The following ERAL1 variants were observed in gnomAD, a reference collection of about 807,000 sequenced individuals.
ERAL1 encodes the protein GTPase Era, mitochondrial.
A neutral mutation model predicts 53.6 loss-of-function variants in ERAL1; 36 were observed. That is an observed-to-expected ratio of 0.67 (90% CI 0.51 to 0.89). ERAL1 has a LOEUF of 0.89. Among genes scored for constraint, ERAL1 ranks in the 40% least tolerant of loss-of-function variants. The pLI, the probability that ERAL1 is intolerant of heterozygous loss-of-function variation, is 0.00. For missense variants in ERAL1, 512 were observed against 537.5 expected, an observed-to-expected ratio of 0.95 and a Z score of 0.47; for synonymous variants, 215 against 211.8, an observed-to-expected ratio of 1.02 and a Z score of -0.13.
At position 28,858,426 on chromosome 17, in the gene ERAL1, C is replaced by T. The variant is rs754519456; in HGVS notation, c.651C>T (p.Pro217=). 1.9e-6 allele frequency: 3 copies of T among 1,614,144 alleles called. No homozygotes were observed. In the Admixed American group the frequency reaches 5.0e-5, roughly 27 times the overall value. The part of the protein sequence containing the change: ...SDKWTRNQLS[P]QLLRCLTKYS... ...AGTGGACACGGAACCAGCTCAGCCC[C>T]CAGTTGCTCAGGTGCTTGACCAAGT... Residue 217 remains proline, a synonymous_variant, in exon 6 of 10, where the codon CCC becomes CCT. Coordinates refer to ENST00000254928, the MANE Select transcript of ERAL1 (RefSeq NM_005702.4).
intron 3 of ERAL1, among the ~76,000 whole-genome samples, chr17:28,857,121 T>C (rs1335458861): frequency 3.3e-5 from 5 of 151,542 alleles, no homozygotes; most frequent in Non-Finnish European, 7.4e-5. Context: ...TTTTTTTTTT[T>C]TTTGAGATGG....
chr17:28,857,652 T>A (rs1007483571), intron 3 of ERAL1, among the ~76,000 whole-genome samples: 4 of 151,518 alleles, frequency 2.6e-5, no homozygotes, highest in African/African-American at 9.7e-5. Context: ...ATTAGCCGGG[T>A]GTGGTGGTGC....
intron 9 of ERAL1, 87 bp downstream of exon 9, chr17:28,859,370 T>C: frequency 2.5e-6 from 3 of 1,212,344 alleles, no homozygotes; most frequent in Non-Finnish European, 3.5e-6. Context: ...AGCAGGACCA[T>C]ATCCTTCTCT....
chr17:28,858,445 A>G lies in ERAL1; in HGVS notation c.670A>G (p.Thr224Ala), dbSNP rs1234659979. 3.1e-6 allele frequency: 5 copies of G among 1,614,086 alleles called. No homozygotes were observed. In the South Asian group the frequency reaches 5.5e-5, roughly 18 times the overall value. ...QLSPQLLRCL[T>A]KYSQIPSVLV... The stretch of plus-strand genomic sequence containing the variant: ...CAGCCCCCAGTTGCTCAGGTGCTTG[A>G]CCAAGTACTCCCAGATCCCTAGTGT... The change falls in exon 6 of 10, where the codon ACC (threonine) becomes GCC (alanine). Residue 224 changes from threonine (T) to alanine (A), a missense_variant. Physicochemically the swap from Thr to Ala is moderately conservative, Grantham distance 58. Coordinates refer to ENST00000254928, the MANE Select transcript of ERAL1 (RefSeq NM_005702.4).
Position 28,858,787 on chromosome 17 carries a change from T to C in ERAL1, c.923T>C (p.Leu308Ser). 6.2e-7 allele frequency: 1 copy of C among 1,614,176 alleles called. No homozygotes were observed. Among genetic ancestry groups the C allele is most frequent in the African/African-American group, 1.3e-5 (1 of 75,052 alleles). Reference sequence around the variant, plus strand: ...CCCCACTTCAAGGAGATCTTCATGTTGTCAGCCCTAAGCCAGGAGGACGTG... The same window carrying C: ...CCCCACTTCAAGGAGATCTTCATGTCGTCAGCCCTAAGCCAGGAGGACGTG... ...GWPHFKEIFM[L>S]SALSQEDVKT... Residue 308 changes from leucine to serine, a missense_variant, in exon 7 of 10, where the codon TTG (leucine) becomes TCG (serine). Transcript: ENST00000254928.
Position 28,859,022 on chromosome 17 carries a change from C to G in ERAL1, c.1019C>G (p.Thr340Ser), listed in dbSNP as rs1273334156. ...GPWEYHSAVL[T>S]SQTPEEICAN... Reference sequence around the variant, plus strand: ...TGGGAGTACCACAGTGCAGTCCTCACTAGCCAGACACCAGAAGAGATCTGT... The same window carrying G: ...TGGGAGTACCACAGTGCAGTCCTCAGTAGCCAGACACCAGAAGAGATCTGT... Residue 340 changes from threonine (T) to serine (S), a missense_variant, in exon 8 of 10, where the codon ACT (threonine) becomes AGT (serine). Thr to Ser is a moderately conservative substitution (Grantham distance 58, BLOSUM62 1). Coordinates refer to ENST00000254928, the MANE Select transcript of ERAL1 (RefSeq NM_005702.4). 3 of 1,614,228 alleles carry G rather than the reference C, an allele frequency of 1.9e-6. No individual in the cohort carries two copies. The highest frequency in any genetic ancestry group is 3.3e-5 in the Admixed American group (2 of 60,032).
At position 28,860,732 on chromosome 17, in the gene ERAL1, G is replaced by A; in HGVS notation, c.*179G>A. On this transcript the variant is annotated 3_prime_UTR_variant, in exon 10 of 10. Transcript: ENST00000254928. ...CCCTGCCCAGCTGTGTCTTCTGTTG[G>A]AAGAAGGAACCTGCCTTAGCTCAGT... 2 of 666,228 alleles carry A rather than the reference G, an allele frequency of 3.0e-6. No individual in the cohort carries two copies. The highest frequency in any genetic ancestry group is 4.5e-6 in the Non-Finnish European group (2 of 442,798). 41.3% of individuals were successfully genotyped at this position (666,228 alleles called of 1,614,324 possible).
chr17:28,858,031 G>A (rs774128528), intron 4 of ERAL1, 46 bp downstream of exon 4: 1 of 1,613,756 alleles, frequency 6.2e-7, no homozygotes, highest in Non-Finnish European at 8.5e-7. Flanking sequence ...GGTACTGAAA[G>A]AGGGTGGGGA....
intron 4 of ERAL1, 77 bp downstream of exon 4, chr17:28,858,062 A>G: frequency 6.2e-7 from 1 of 1,610,572 alleles, no homozygotes; most frequent in Non-Finnish European, 8.5e-7. Flanking sequence ...TAGGGGCTGG[A>G]AAACCCCTTT....
At chr17:28,860,376 G>A (rs2039293026) in intron 9 of ERAL1, 55 bp from the exon 10 acceptor site, 1 of 1,599,718 alleles carries the variant, frequency 6.3e-7, no homozygotes. Context: ...CAAGTAGCTG[G>A]GACTACAGGC....
At chr17:28,858,075 C>T in intron 4 of ERAL1, 71 bp from the exon 5 acceptor site, 1 of 1,611,626 alleles carries the variant, frequency 6.2e-7, no homozygotes, top group Non-Finnish European at 8.5e-7. Context: ...ACCCCTTTAC[C>T]ATACCACATC....
Position 28,860,337 on chromosome 17 carries a change from G to C in ERAL1, c.1192-94G>C. 8.9e-6 allele frequency: 13 copies of C among 1,468,732 alleles called. No homozygotes were observed. In the South Asian group the frequency reaches 1.6e-4, roughly 18 times the overall value. The allele number at this position is 1,468,732 out of a possible 1,614,324, so 91.0% of individuals were successfully genotyped here. A position where few individuals can be genotyped will look rare whatever the true frequency, so the allele number is the denominator to read the frequency against. On this transcript the variant is annotated intron_variant, in intron 9 of 9. Coordinates refer to ENST00000254928, the MANE Select transcript of ERAL1 (RefSeq NM_005702.4). ...ACCCAGGCTGGACTCAAACTCCTGT[G>C]CTCAAAGGATCTTCTCACCTTAGCC...
rs778417271 is a variant in ERAL1 at position 28,858,733 on chromosome 17, CTG to C, written c.872_873del (p.Val291GlyfsTer50). The C allele has an allele frequency of 1.2e-5, 20 of 1,614,114 alleles. No homozygotes were observed. Among genetic ancestry groups the C allele is most frequent in the Non-Finnish European group, 1.7e-5 (20 of 1,180,050 alleles). On this transcript the variant is annotated frameshift_variant, in exon 7 of 10. Coordinates refer to ENST00000254928, the MANE Select transcript of ERAL1 (RefSeq NM_005702.4). LOFTEE classifies it high-confidence loss of function. ...GCAGTTAAGGACCCAAACACACAAT[CTG>C]TGGGAAATCCTCAGAGGATTGGCTG...
In ERAL1 at chr17:28,858,178, C is replaced by A; in HGVS notation, c.569C>A (p.Pro190Gln). 1.9e-6 allele frequency: 3 copies of A among 1,613,998 alleles called. No individual in the cohort carries two copies. Among genetic ancestry groups the A allele is most frequent in the South Asian group, 1.1e-5 (1 of 91,078 alleles). Residue 190 changes from proline (P) to glutamine (Q), a missense_variant, in exon 5 of 10, where the codon CCA (proline) becomes CAA (glutamine). Physicochemically the swap from Pro to Gln is moderately conservative, Grantham distance 76. Coordinates refer to ENST00000254928, the MANE Select transcript of ERAL1 (RefSeq NM_005702.4). ...HHLELSLLED[P>Q]WKSMESADLV... Reference sequence around the variant, plus strand: ...CTGGAGCTCTCTTTGTTGGAAGATCCATGGAAGAGCATGGAATCTGCTGAT... The same window carrying A: ...CTGGAGCTCTCTTTGTTGGAAGATCAATGGAAGAGCATGGAATCTGCTGAT...
At chr17:28,855,455 G>A in intron 1 of ERAL1, 138 bp downstream of exon 1, 1 of 1,011,518 alleles carries the variant, frequency 9.9e-7, no homozygotes, top group Non-Finnish European at 1.4e-6. Flanking sequence ...AAATCTCTCA[G>A]GAGAGAAATA....
intron 6 of ERAL1, 39 bp from the exon 7 acceptor site, chr17:28,858,537 T>C (rs1198148564): frequency 6.2e-7 from 1 of 1,614,100 alleles, no homozygotes; most frequent in South Asian, 1.1e-5. Flanking sequence ...AAGTCCCCTA[T>C]CTCTGACCAC....
chr17:28,860,691 G>A lies in ERAL1; in HGVS notation c.*138G>A. Reference sequence around the variant, plus strand: ...ACTGGCCACTAGCTGGCCTGGCCCTGTTGAGTCTGCACAGTCCCTGCCCAG... The same window carrying A: ...ACTGGCCACTAGCTGGCCTGGCCCTATTGAGTCTGCACAGTCCCTGCCCAG... On this transcript the variant is annotated 3_prime_UTR_variant, in exon 10 of 10. Transcript: ENST00000254928. The A allele has an allele frequency of 9.0e-7, 1 of 1,110,352 alleles. No homozygotes were observed. Among genetic ancestry groups the A allele is most frequent in the Non-Finnish European group, 1.2e-6 (1 of 810,290 alleles). 68.8% of individuals were successfully genotyped at this position (1,110,352 alleles called of 1,614,324 possible).
At position 28,856,376 on chromosome 17, in the gene ERAL1, G is replaced by C; in HGVS notation, c.396G>C (p.Gln132His). ...CAGGGAAGTCAACACTCTCCAACCA[G>C]CTACTGGGCCGAAAGGTATGCTACA... ...PNAGKSTLSNQLLGRKVFPVS... is the reference protein window; with the variant it reads ...PNAGKSTLSNHLLGRKVFPVS... The change falls in exon 2 of 10, where the codon CAG (glutamine) becomes CAC (histidine). Residue 132 changes from glutamine to histidine, a missense_variant. Gln to His is a conservative substitution (Grantham distance 24, BLOSUM62 0). Transcript: ENST00000254928. The C allele has an allele frequency of 6.2e-7, 1 of 1,614,006 alleles. No individual in the cohort carries two copies. The highest frequency in any genetic ancestry group is 2.2e-5 in the East Asian group (1 of 44,872).
intron 3 of ERAL1, among the ~76,000 whole-genome samples, chr17:28,857,368 A>G (rs59068724): frequency 0.73 from 110,837 of 151,188 alleles, 41,095 homozygotes; most frequent in Non-Finnish European, 0.8. Context: ...TGGCCTCCCA[A>G]AGTGCTGGGA....
Sources: allele counts gnomAD v4.1 joint callset (sites outside exome capture counted in the v4.1 genomes callset), GRCh38; gene constraint gnomAD v4.1.1; transcripts MANE v1.5; gene names NCBI Gene and HGNC (gene_info 2026-07-23, HGNC 2026-07-21).